TCHH: variants seen among roughly 807,000 people sequenced by gnomAD.
The protein encoded by TCHH is trichohyalin.
Under a neutral mutation model 6.3 loss-of-function variants are expected in TCHH, and 6 were observed. The ratio of observed to expected loss-of-function variants is 0.95; its 90% confidence interval spans 0.52 to 1.88. The LOEUF is 1.88. Ranked by LOEUF, TCHH falls within the 40% of genes most tolerant of loss-of-function variation. The probability of loss-of-function intolerance (pLI) is 0.01; values close to 1 mark genes in which losing one functional copy is unlikely to be tolerated. For missense variants in TCHH, 2,920 were observed against 2,449.1 expected (o/e 1.19, Z -4.06); for synonymous variants, 1,087 against 963.6 (o/e 1.13, Z -2.37).
rs745523570 is a variant in TCHH at position 152,109,458 on chromosome 1, C to G, written c.3759G>C (p.Leu1253Phe). Reference sequence around the variant, plus strand: ...GTCTGTCGCGCAGCTGGGAATCTTCCAACTGCCGGAACTGTTCATTCTCTC... The same window carrying G: ...GTCTGTCGCGCAGCTGGGAATCTTCGAACTGCCGGAACTGTTCATTCTCTC... The part of the protein sequence containing the change: ...KGRENEQFRQ[L>F]EDSQLRDRQS... The change falls in exon 3 of 3, where the codon TTG becomes TTC. Residue 1253 changes from leucine to phenylalanine, a missense_variant. Coordinates refer to ENST00000614923, the MANE Select transcript of TCHH (RefSeq NM_007113.4). 1 of 1,614,250 alleles carries G rather than the reference C, an allele frequency of 6.2e-7. No individual in the cohort carries two copies. The highest frequency in any genetic ancestry group is 8.5e-7 in the Non-Finnish European group (1 of 1,180,044).
Position 152,110,972 on chromosome 1 carries a change from G to A in TCHH, c.2245C>T (p.Gln749Ter). 6.2e-7 allele frequency: 1 copy of A among 1,613,434 alleles called. No homozygotes were observed. Among genetic ancestry groups the A allele is most frequent in the African/African-American group, 1.3e-5 (1 of 74,988 alleles). ...RRRRESELQW[Q>*]EEERAHRQQQ... ...TGCCGGTGAGCCCGTTCCTCCTCCT[G>A]CCATTGCAGCTCACTCTCCCGGCGC... Residue 749 changes from glutamine to a stop codon, truncating the protein, a stop_gained, in exon 3 of 3, where the codon CAG becomes TAG. Coordinates refer to ENST00000614923, the MANE Select transcript of TCHH (RefSeq NM_007113.4). LOFTEE classifies it low-confidence loss of function (END_TRUNC).
chr1:152,108,225 G>T lies in TCHH; in HGVS notation c.4992C>A (p.Asp1664Glu). Reference sequence around the variant, plus strand: ...CCTCTTCACGGAATTTTCTGTCGCGGTCGTGACGCAGCTGTTGTTCGCGCT... The same window carrying T: ...CCTCTTCACGGAATTTTCTGTCGCGTTCGTGACGCAGCTGTTGTTCGCGCT... ...RQEREQQLRH[D>E]RDRKFREEEQ... Residue 1664 changes from aspartate (D) to glutamate (E), a missense_variant, in exon 3 of 3, where the codon GAC (aspartate) becomes GAA (glutamate). Coordinates refer to ENST00000614923, the MANE Select transcript of TCHH (RefSeq NM_007113.4). The T allele has an allele frequency of 1.3e-6, 2 of 1,594,114 alleles. No individual in the cohort carries two copies. The highest frequency in any genetic ancestry group is 1.7e-6 in the Non-Finnish European group (2 of 1,174,128).
In TCHH at chr1:152,109,186, AGCT is replaced by A; in HGVS notation, c.4028_4030del (p.Gln1343del). On this transcript the variant is annotated inframe_deletion, in exon 3 of 3. Transcript: ENST00000614923. Reference sequence around the variant, plus strand: ...CGGCTGTTCCTCCCTTTCCTGGAGCAGCTGTTCCTCCTCGCGGAATTTTCTGTC... The same window carrying A: ...CGGCTGTTCCTCCCTTTCCTGGAGCAGTTCCTCCTCGCGGAATTTTCTGTC... 6.2e-7 allele frequency: 1 copy of A among 1,612,172 alleles called. No homozygotes were observed. The highest frequency in any genetic ancestry group is 8.5e-7 in the Non-Finnish European group (1 of 1,179,266).
chr1:152,109,580 G>A lies in TCHH; in HGVS notation c.3637C>T (p.Arg1213Ter). Residue 1213 changes from arginine (R) to a stop codon, truncating the protein, a stop_gained, in exon 3 of 3, where the codon CGA (arginine) becomes TGA (stop). Coordinates refer to ENST00000614923, the MANE Select transcript of TCHH (RefSeq NM_007113.4). LOFTEE classifies it low-confidence loss of function (END_TRUNC). ...CTGCGCTGATCCTCATCCCGGTATC[G>A]CTGCTTCCTTTTCTGGCGCTGAAGC... ...EELQRQKRKQ[R>*]YRDEDQRSDL... is the part of the protein sequence containing the mutation. 9.9e-6 allele frequency: 16 copies of A among 1,614,206 alleles called. No homozygotes were observed. The highest frequency in any genetic ancestry group is 1.4e-5 in the Non-Finnish European group (16 of 1,180,038).
chr1:152,113,652 T>C (rs1238021130), intron 2 of TCHH, among the ~76,000 whole-genome samples: 1 of 152,210 alleles, frequency 6.6e-6, no homozygotes, highest in African/African-American at 2.4e-5. Context: ...AGTTTTGAAA[T>C]TTGGAAACAA....
At chr1:152,115,174 G>T (rs1017846838) in intron 1 of TCHH, among the ~76,000 whole-genome samples, 3 of 152,224 alleles carry the variant, frequency 2.0e-5, no homozygotes, top group Non-Finnish European at 4.4e-5. Context: ...ATGTGCAGAA[G>T]TATAGAGTTC....
In TCHH at chr1:152,109,744, G is replaced by A. The variant is rs113946258; in HGVS notation, c.3473C>T (p.Pro1158Leu). 3.0e-5 allele frequency: 43 copies of A among 1,428,862 alleles called. No individual in the cohort carries two copies. Among genetic ancestry groups the A allele is most frequent in the African/African-American group, 4.1e-5 (2 of 48,984 alleles). 88.5% of individuals were successfully genotyped at this position (1,428,862 alleles called of 1,614,324 possible). A position where few individuals can be genotyped will look rare whatever the true frequency, so the allele number is the denominator to read the frequency against. The change falls in exon 3 of 3, where the codon CCG becomes CTG. Residue 1158 changes from proline to leucine, a missense_variant. Transcript: ENST00000614923. ...CAGCTCCTGGCGCCTTCTCTTCTCC[G>A]GTTCCTCTCTCAGCAGCTGCTCTTC... ...QEEEQLLREE[P>L]EKRRRQELER...
chr1:152,115,329 T>C (rs1280156088), intron 1 of TCHH, 62 bp downstream of exon 1: 7 of 152,202 alleles, frequency 4.6e-5, no homozygotes, highest in Non-Finnish European at 8.8e-5. Flanking sequence ...TCCCAACATC[T>C]GAAATAGCTA....
rs1658119821 is a variant in TCHH, at chr1:152,106,841, C to T, written c.*544G>A. 1 of 152,372 alleles carries T rather than the reference C, an allele frequency of 6.6e-6. No homozygotes were observed. The highest frequency in any genetic ancestry group is 2.1e-4 in the South Asian group (1 of 4,826). 9.4% of individuals were successfully genotyped at this position (152,372 alleles called of 1,614,324 possible). A position where few individuals can be genotyped will look rare whatever the true frequency, so the allele number is the denominator to read the frequency against. ...AAGTTTTTATGCAGAGGTCACTCCC[C>T]CTGCACTATTCAAGGGTTATAAAAA... On this transcript the variant is annotated 3_prime_UTR_variant, in exon 3 of 3. Coordinates refer to ENST00000614923, the MANE Select transcript of TCHH (RefSeq NM_007113.4).
chr1:152,112,883 C>T lies in TCHH; in HGVS notation c.334G>A (p.Asp112Asn). 2.5e-6 allele frequency: 4 copies of T among 1,613,952 alleles called. No individual in the cohort carries two copies. The highest frequency in any genetic ancestry group is 2.2e-5 in the South Asian group (2 of 91,066). Residue 112 changes from aspartate to asparagine, a missense_variant, in exon 3 of 3, where the codon GAT becomes AAT. Physicochemically the swap from Asp to Asn is conservative, Grantham distance 23. Coordinates refer to ENST00000614923, the MANE Select transcript of TCHH (RefSeq NM_007113.4). ...RCDGKESLLQ[D>N]RRQEEDQRRF... ...CTTTGGTCTTCTTCTTGCCTGCGAT[C>T]TTGTAACAGGCTCTCCTTTCCGTCA...
In TCHH at chr1:152,109,058, C is replaced by T. The variant is rs762887502; in HGVS notation, c.4159G>A (p.Glu1387Lys). Residue 1387 changes from glutamate to lysine, a missense_variant, in exon 3 of 3, where the codon GAA becomes AAA. Glu to Lys is a moderately conservative substitution (Grantham distance 56, BLOSUM62 1). Coordinates refer to ENST00000614923, the MANE Select transcript of TCHH (RefSeq NM_007113.4). ...TCCTTAAGGAATTTTCTCTCCCGTT[C>T]CTGGCGGCGCAGCCGCTGTTCCTCC... ...LEEEQRLRRQ[E>K]RERKFLKEEQ... 1 of 1,612,888 alleles carries T rather than the reference C, an allele frequency of 6.2e-7. No individual in the cohort carries two copies.
chr1:152,113,796 T>C (rs1658445858), intron 2 of TCHH, 147 bp downstream of exon 2: 1 of 941,956 alleles, frequency 1.1e-6, no homozygotes, highest in African/African-American at 1.7e-5. Context: ...AGTAAGTACC[T>C]TTTGACTCAG....
chr1:152,106,356 A>T lies in TCHH; in HGVS notation c.*1029T>A, dbSNP rs561210459. The T allele has an allele frequency of 5.1e-4, 78 of 152,290 alleles. No individual in the cohort carries two copies. Among genetic ancestry groups the T allele is most frequent in the African/African-American group, 1.8e-3 (74 of 41,566 alleles). The allele number at this position is 152,290 out of a possible 1,614,324, so 9.4% of individuals were successfully genotyped here. ...TTTATTATTAATTTTTCACAGTCCAATTATTTCAACAAGAATATATCTAAG... is the reference window on the plus strand; with the variant it reads ...TTTATTATTAATTTTTCACAGTCCATTTATTTCAACAAGAATATATCTAAG... On this transcript the variant is annotated 3_prime_UTR_variant, in exon 3 of 3. Coordinates refer to ENST00000614923, the MANE Select transcript of TCHH (RefSeq NM_007113.4).
At chr1:152,114,782 T>A (rs1191960411) in intron 1 of TCHH, among the ~76,000 whole-genome samples, 1 of 152,238 alleles carries the variant, frequency 6.6e-6, no homozygotes, top group Non-Finnish European at 1.5e-5. Context: ...TCAGATATAG[T>A]AAGATATTCG....
At position 152,109,524 on chromosome 1, in the gene TCHH, T is replaced by C. The variant is rs1310726206; in HGVS notation, c.3693A>G (p.Lys1231=). 13 of 1,614,138 alleles carry C rather than the reference T, an allele frequency of 8.1e-6. No individual in the cohort carries two copies. In the East Asian group the frequency reaches 2.9e-4, roughly 36 times the overall value. ...SDLKWQWEPE[K]ENAVRDNKVY... ...CCTTGTTATCACGAACTGCATTTTC[T>C]TTTTCTGGTTCCCACTGCCATTTCA... The change falls in exon 3 of 3, where the codon AAA becomes AAG. Residue 1231 remains lysine, a synonymous_variant. Transcript: ENST00000614923.
Position 152,111,365 on chromosome 1 carries a change from G to C in TCHH, c.1852C>G (p.Gln618Glu), listed in dbSNP as rs755878317. ...TCCGGCTCCTCGCGCTTCAGCCGCT[G>C]CTCGCGCCTCTCCTCCTGCTCGAGT... is the stretch of plus-strand genomic sequence containing the variant. ...ERLEQEERRE[Q>E]RLKREEPEEE... Residue 618 changes from glutamine (Q) to glutamate (E), a missense_variant, in exon 3 of 3, where the codon CAG (glutamine) becomes GAG (glutamate). Coordinates refer to ENST00000614923, the MANE Select transcript of TCHH (RefSeq NM_007113.4). The C allele has an allele frequency of 6.2e-7, 1 of 1,607,832 alleles. No homozygotes were observed. Among genetic ancestry groups the C allele is most frequent in the African/African-American group, 1.4e-5 (1 of 72,792 alleles).
At position 152,113,945 on chromosome 1, in the gene TCHH, G is replaced by A. The variant is rs755017096; in HGVS notation, c.136C>T (p.Arg46Trp). 1.6e-5 allele frequency: 25 copies of A among 1,611,226 alleles called. No homozygotes were observed. The highest frequency in any genetic ancestry group is 6.7e-5 in the Admixed American group (4 of 59,448). ...CTCATTTTCTTGTTAGTTCTTACCC[G>A]AAGCACAGCTCCAAATTCCCTTTCA... is the stretch of plus-strand genomic sequence containing the variant. ...LLEREFGAVL[R>W]RPHDPKTVDL... Residue 46 changes from arginine (R) to tryptophan (W), a missense_variant and splice_region_variant, in exon 2 of 3, where the codon CGG (arginine) becomes TGG (tryptophan). Physicochemically the swap from Arg to Trp is moderately radical, Grantham distance 101 (BLOSUM62 -3). Transcript: ENST00000614923.
At position 152,110,615 on chromosome 1, in the gene TCHH, G is replaced by T; in HGVS notation, c.2602C>A (p.Gln868Lys). The T allele has an allele frequency of 1.2e-6, 2 of 1,614,174 alleles. No homozygotes were observed. The highest frequency in any genetic ancestry group is 8.5e-7 in the Non-Finnish European group (1 of 1,180,036). The change falls in exon 3 of 3, where the codon CAG (glutamine) becomes AAG (lysine). Residue 868 changes from glutamine (Q) to lysine (K), a missense_variant. By Grantham distance (53) the Gln-to-Lys change is moderately conservative. Coordinates refer to ENST00000614923, the MANE Select transcript of TCHH (RefSeq NM_007113.4). Reference sequence around the variant, plus strand: ...CACCTCCATTTTTGGTCGCGGCGCTGCTCCTGGCTTCGCCTCCTCTCCTGA... The same window carrying T: ...CACCTCCATTTTTGGTCGCGGCGCTTCTCCTGGCTTCGCCTCCTCTCCTGA... Reference protein sequence around the residue: ...EDQERRRSQEQRRDQKWRWQL... With the variant: ...EDQERRRSQEKRRDQKWRWQL...
Position 152,110,951 on chromosome 1 carries a change from G to C in TCHH, c.2266C>G (p.Arg756Gly). The C allele has an allele frequency of 6.2e-7, 1 of 1,613,132 alleles. No homozygotes were observed. The highest frequency in any genetic ancestry group is 1.1e-5 in the South Asian group (1 of 91,066). Residue 756 changes from arginine to glycine, a missense_variant, in exon 3 of 3, where the codon CGG becomes GGG. Physicochemically the swap from Arg to Gly is moderately radical, Grantham distance 125. Coordinates refer to ENST00000614923, the MANE Select transcript of TCHH (RefSeq NM_007113.4). ...CGCTGCTCCTCTTCCTGCTGCTGCC[G>C]GTGAGCCCGTTCCTCCTCCTGCCAT... ...LQWQEEERAH[R>G]QQQEEEQRRD...
Sources: allele counts gnomAD v4.1 joint callset (sites outside exome capture counted in the v4.1 genomes callset), GRCh38; gene constraint gnomAD v4.1.1; transcripts MANE v1.5; gene names NCBI Gene and HGNC (gene_info 2026-07-23, HGNC 2026-07-21).